Variants in PCOLCE2 observed in about 807,000 individuals in gnomAD.
PCOLCE2 encodes the protein procollagen C-endopeptidase enhancer 2, also known as procollagen C-proteinase enhancer 2.
A neutral mutation model predicts 47.0 loss-of-function variants in PCOLCE2; 42 were observed. The observed-to-expected ratio is 0.89, with a 90% CI of 0.70 to 1.16. The LOEUF (loss-of-function observed/expected upper bound fraction) is 1.16. PCOLCE2 is among the 50% of genes most tolerant of loss of function. The probability of loss-of-function intolerance (pLI) is 0.00; values close to 1 mark genes in which losing one functional copy is unlikely to be tolerated. For missense variants in PCOLCE2, 500 were observed against 526.1 expected, an observed-to-expected ratio of 0.95 and a Z score of 0.49; for synonymous variants, 169 against 191.7, an observed-to-expected ratio of 0.88 and a Z score of 0.98.
chr3:142,884,254 G>A (rs1933681087), intron 2 of PCOLCE2, among the ~76,000 whole-genome samples: 1 of 152,124 alleles, frequency 6.6e-6, no homozygotes, highest in Non-Finnish European at 1.5e-5. Flanking sequence ...TTGCTGCAGG[G>A]CTTAATACAG....
chr3:142,888,523 G>C (rs1470552422), intron 1 of PCOLCE2: 2 of 354,986 alleles, frequency 5.6e-6, no homozygotes, highest in African/African-American at 4.2e-5. Flanking sequence ...CACGAGGAGA[G>C]GGGAGACACA....
chr3:142,827,262 C>T, intron 6 of PCOLCE2: 1 of 1,247,158 alleles, frequency 8.0e-7, no homozygotes, highest in East Asian at 2.3e-5. Context: ...GGGTTCATGG[C>T]CACATCCCAT....
intron 2 of PCOLCE2, among the ~76,000 whole-genome samples, chr3:142,867,758 C>T (rs1933313292): frequency 6.6e-6 from 1 of 152,132 alleles, no homozygotes; most frequent in African/African-American, 2.4e-5. Flanking sequence ...CTAACCACTG[C>T]CAATGGGAGT....
chr3:142,838,700 A>T, intron 5 of PCOLCE2, 70 bp downstream of exon 5: 2 of 1,368,958 alleles, frequency 1.5e-6, no homozygotes, highest in Non-Finnish European at 2.0e-6. Flanking sequence ...AACAAATGTG[A>T]TTGGGAAACT....
intron 2 of PCOLCE2, among the ~76,000 whole-genome samples, chr3:142,874,627 G>A (rs925734984): frequency 2.7e-4 from 41 of 152,190 alleles, no homozygotes; most frequent in African/African-American, 8.7e-4. Flanking sequence ...ACTTTTCTTC[G>A]GAGATTTATC....
chr3:142,861,264 A>T (rs1319653020), intron 2 of PCOLCE2, among the ~76,000 whole-genome samples: 3 of 152,176 alleles, frequency 2.0e-5, no homozygotes, highest in African/African-American at 7.2e-5. Flanking sequence ...TTGTGAGTAA[A>T]TTTAACAAAG....
intron 5 of PCOLCE2, 133 bp from the exon 6 acceptor site, chr3:142,829,979 T>A: frequency 1.9e-6 from 1 of 533,296 alleles, no homozygotes; most frequent in East Asian, 2.9e-5. Flanking sequence ...TTAAAACGTT[T>A]AAAAATACCA....
At chr3:142,823,249 G>GT (rs888109794) in intron 7 of PCOLCE2, among the ~76,000 whole-genome samples, 3 of 152,148 alleles carry the variant, frequency 2.0e-5, no homozygotes, top group Admixed American at 6.5e-5. Context: ...AAGTACATAG[G>GT]TTTTTTGCAG....
chr3:142,825,153 A>T (rs577062377), intron 6 of PCOLCE2, among the ~76,000 whole-genome samples: 5 of 152,284 alleles, frequency 3.3e-5, no homozygotes, highest in African/African-American at 9.6e-5. Flanking sequence ...ATGGAATTAA[A>T]TTTACTCAGT....
intron 3 of PCOLCE2, among the ~76,000 whole-genome samples, chr3:142,844,414 T>C (rs1937301219): frequency 6.6e-6 from 1 of 152,212 alleles, no homozygotes; most frequent in Non-Finnish European, 1.5e-5. Context: ...ATTTCTCTTA[T>C]ATAAATACCC....
intron 1 of PCOLCE2, among the ~76,000 whole-genome samples, chr3:142,888,006 A>G (rs576622021): frequency 1.3e-5 from 2 of 152,328 alleles, no homozygotes; most frequent in South Asian, 4.1e-4. Context: ...ATAACACAAG[A>G]TTATATATAT....
chr3:142,836,026 C>T (rs1314514013), intron 5 of PCOLCE2, among the ~76,000 whole-genome samples: 7 of 152,120 alleles, frequency 4.6e-5, no homozygotes, highest in Admixed American at 4.6e-4. Flanking sequence ...ATGTTTCCTT[C>T]CACTGTTTTG....
At chr3:142,832,774 A>G (rs1316667295) in intron 5 of PCOLCE2, among the ~76,000 whole-genome samples, 1 of 152,196 alleles carries the variant, frequency 6.6e-6, no homozygotes. Flanking sequence ...ATCTACACTG[A>G]ATCAAACCAA....
chr3:142,839,234 T>G (rs1385737253), intron 4 of PCOLCE2, among the ~76,000 whole-genome samples: 1 of 152,160 alleles, frequency 6.6e-6, no homozygotes, highest in Non-Finnish European at 1.5e-5. Context: ...AAGACTATAA[T>G]TGGTTTTGGA....
rs138256252 is a variant in PCOLCE2 at position 142,872,873 on chromosome 3, T to C, written c.192+14796A>G. Reference sequence around the variant, plus strand: ...TTACTATTAATTCATCCTCAGAATATATAAAGAATTTCCCCAAAAAAAGTG... The same window carrying C: ...TTACTATTAATTCATCCTCAGAATACATAAAGAATTTCCCCAAAAAAAGTG... On this transcript the variant is annotated intron_variant, in intron 2 of 8. Transcript: ENST00000295992. 2.1e-3 allele frequency among the ~76,000 whole-genome samples: 324 copies of C among 152,306 alleles called. 1 individual carries two copies. The highest frequency in any genetic ancestry group is 6.3e-3 in the African/African-American group (263 of 41,580).
At chr3:142,825,624 A>G (rs964322966) in intron 6 of PCOLCE2, among the ~76,000 whole-genome samples, 1 of 152,026 alleles carries the variant, frequency 6.6e-6, no homozygotes, top group African/African-American at 2.4e-5. Context: ...TATTTATTTA[A>G]TCACTCTATG....
intron 2 of PCOLCE2, among the ~76,000 whole-genome samples, chr3:142,855,844 AC>A (rs1933049817): frequency 1.3e-5 from 2 of 152,178 alleles, no homozygotes; most frequent in Admixed American, 1.3e-4. Context: ...GCTGCCCAGA[AC>A]AGCCCTCCCA....
chr3:142,873,395 A>G (rs1933432884), intron 2 of PCOLCE2, among the ~76,000 whole-genome samples: 1 of 147,514 alleles, frequency 6.8e-6, no homozygotes, highest in Admixed American at 6.8e-5. Flanking sequence ...CTCCATCTCA[A>G]AAAAAAAAAA....
intron 7 of PCOLCE2, among the ~76,000 whole-genome samples, chr3:142,821,919 G>A (rs1339810331): frequency 6.6e-6 from 1 of 151,616 alleles, no homozygotes; most frequent in South Asian, 2.1e-4. Context: ...TTTTTTTGTT[G>A]TTGTTGTTTT....
Sources: allele counts gnomAD v4.1 joint callset (sites outside exome capture counted in the v4.1 genomes callset), GRCh38; gene constraint gnomAD v4.1.1; transcripts MANE v1.5; gene names NCBI Gene and HGNC (gene_info 2026-07-23, HGNC 2026-07-21).